The following SNPH variants were observed in gnomAD, a reference collection of about 807,000 sequenced individuals.
The protein encoded by SNPH is syntaphilin.
Under a neutral mutation model 36.8 loss-of-function variants are expected in SNPH, and 10 were observed. The ratio of observed to expected loss-of-function variants is 0.27; its 90% CI spans 0.17 to 0.46. The LOEUF is 0.46. SNPH is among the 20% of genes least tolerant of loss of function. SNPH has a pLI of 1.00. For synonymous variants in SNPH, 281 were observed against 312.2 expected (o/e 0.90, Z 1.05); for missense variants, 622 against 744.0 (o/e 0.84, Z 1.91).
In SNPH at chr20:1,305,754, C is replaced by G. The variant is rs2088567084; in HGVS notation, c.1317C>G (p.Gly439=). Residue 439 remains glycine, a synonymous_variant, in exon 7 of 7, where the codon GGC becomes GGG. Coordinates refer to ENST00000381867, the MANE Select transcript of SNPH (RefSeq NM_001318234.2). ...GGCCTGGTGCCAACCCCAACCCTGG[C>G]CAGTCGGTGAGCGTGGTGTGCCCCA... ...PQRPGANPNP[G]QSVSVVCPME... 2 of 1,611,290 alleles carry G rather than the reference C, an allele frequency of 1.2e-6. No homozygotes were observed. The highest frequency in any genetic ancestry group is 2.7e-5 in the African/African-American group (2 of 74,922).
chr20:1,296,089 T>A lies in SNPH; in HGVS notation c.-151T>A, dbSNP rs1442209691. The A allele has an allele frequency of 1.6e-6, 1 of 608,916 alleles. No homozygotes were observed. The highest frequency in any genetic ancestry group is 2.7e-6 in the Non-Finnish European group (1 of 365,646). 37.7% of individuals were successfully genotyped at this position (608,916 alleles called of 1,614,324 possible). A position where few individuals can be genotyped will look rare whatever the true frequency, so the allele number is the denominator to read the frequency against. On this transcript the variant is annotated 5_prime_UTR_variant, in exon 4 of 7. Transcript: ENST00000381867. Reference sequence around the variant, plus strand: ...TCATCTGGAGAACACAGGGTTGGACTGATTACTTTTAGCCACTCCTGACAG... The same window carrying A: ...TCATCTGGAGAACACAGGGTTGGACAGATTACTTTTAGCCACTCCTGACAG...
chr20:1,296,308 C>T lies in SNPH; in HGVS notation c.69C>T (p.Thr23=). The T allele has an allele frequency of 6.3e-7, 1 of 1,586,570 alleles. No homozygotes were observed. Among genetic ancestry groups the T allele is most frequent in the Non-Finnish European group, 8.6e-7 (1 of 1,168,196 alleles). Residue 23 remains threonine, a synonymous_variant, in exon 4 of 7, where the codon ACC becomes ACT. Transcript: ENST00000381867. ...CGGCCCTTTCTGCGGGCCCCCCAAC[C>T]CGCCCTCTCTCCTCAGCCCCCGGGA... ...PGPALSAGPP[T]RPLSSAPGIP...
At chr20:1,274,145 G>T (rs1329580785) in intron 2 of SNPH, among the ~76,000 whole-genome samples, 1 of 152,208 alleles carries the variant, frequency 6.6e-6, no homozygotes, top group Non-Finnish European at 1.5e-5. Flanking sequence ...ATAAGCACAA[G>T]TGGTGGGGTG....
chr20:1,268,764 G>A (rs539158569), intron 2 of SNPH, among the ~76,000 whole-genome samples: 31 of 152,314 alleles, frequency 2.0e-4, no homozygotes, highest in Non-Finnish European at 3.8e-4. Flanking sequence ...AGCCAACTAG[G>A]TTAGGGAGAA....
At chr20:1,303,155 G>C (rs2088524210) in intron 6 of SNPH, among the ~76,000 whole-genome samples, 1 of 152,242 alleles carries the variant, frequency 6.6e-6, no homozygotes, top group Non-Finnish European at 1.5e-5. Context: ...TTTCATGCCT[G>C]TGCTTCCTGC....
intron 2 of SNPH, among the ~76,000 whole-genome samples, chr20:1,281,424 C>T (rs147264157): frequency 1.7e-3 from 262 of 152,362 alleles, no homozygotes; most frequent in African/African-American, 6.0e-3. Flanking sequence ...GTAAACCTGA[C>T]TTTGACCTTA....
At chr20:1,286,356 G>A (rs1008777260) in intron 2 of SNPH, among the ~76,000 whole-genome samples, 1 of 152,146 alleles carries the variant, frequency 6.6e-6, no homozygotes, top group African/African-American at 2.4e-5. Flanking sequence ...GAAGTACCAC[G>A]GGGAATCAGG....
chr20:1,284,985 T>C (rs1358834065), intron 2 of SNPH, among the ~76,000 whole-genome samples: 1 of 152,268 alleles, frequency 6.6e-6, no homozygotes, highest in Non-Finnish European at 1.5e-5. Flanking sequence ...AGAGAGATGG[T>C]GGCTTGGACC....
chr20:1,300,957 G>A (rs568616858), intron 6 of SNPH, among the ~76,000 whole-genome samples: 1 of 152,362 alleles, frequency 6.6e-6, no homozygotes, highest in Admixed American at 6.5e-5. Context: ...ATGAGGGCCT[G>A]TCCTGTGGGG....
At chr20:1,270,179 A>G (rs762975428) in intron 2 of SNPH, among the ~76,000 whole-genome samples, 87 of 152,238 alleles carry the variant, frequency 5.7e-4, no homozygotes, top group Non-Finnish European at 8.8e-4. Context: ...CTTGCTAAAC[A>G]TTGACCAGCA....
rs954842191 is a variant in SNPH at position 1,294,771 on chromosome 20, G to A, written c.-492-180G>A. Among the ~76,000 whole-genome samples, 1 of 152,212 alleles carries A rather than the reference G, an allele frequency of 6.6e-6. No individual in the cohort carries two copies. Among genetic ancestry groups the A allele is most frequent in the African/African-American group, 2.4e-5 (1 of 41,452 alleles). On this transcript the variant is annotated intron_variant, in intron 2 of 6. Transcript: ENST00000381867. The surrounding 1 kb of genome is among the most constrained non-coding windows in gnomAD (Gnocchi z 4.4). ...CCGGGGAGGCCCTGACATGGGAAGG[G>A]GGTGGTCCCCGGGCCAGAGACTCTG...
intron 6 of SNPH, among the ~76,000 whole-genome samples, chr20:1,303,582 G>A (rs766541869): frequency 1.1e-4 from 17 of 152,170 alleles, no homozygotes; most frequent in Non-Finnish European, 2.5e-4. Context: ...GGCACTCTAA[G>A]CAGCTCCAGC....
At chr20:1,274,953 G>A (rs1282474211) in intron 2 of SNPH, among the ~76,000 whole-genome samples, 1 of 152,196 alleles carries the variant, frequency 6.6e-6, no homozygotes, top group Non-Finnish European at 1.5e-5. Flanking sequence ...CCTTTCAGAA[G>A]TGGCGGACTT....
chr20:1,280,193 C>T (rs1241662959), intron 2 of SNPH, among the ~76,000 whole-genome samples: 3 of 152,196 alleles, frequency 2.0e-5, no homozygotes, highest in Non-Finnish European at 4.4e-5. Flanking sequence ...CTCAGCTCAT[C>T]AGCATCACAC....
At chr20:1,269,079 G>A (rs1158422745) in intron 2 of SNPH, among the ~76,000 whole-genome samples, 1 of 152,062 alleles carries the variant, frequency 6.6e-6, no homozygotes, top group Non-Finnish European at 1.5e-5. Flanking sequence ...TGAGGGAGGA[G>A]AGCAGGTAAT....
chr20:1,300,793 G>A (rs908238460), intron 6 of SNPH, 82 bp downstream of exon 6: 2 of 1,392,158 alleles, frequency 1.4e-6, no homozygotes, highest in Non-Finnish European at 1.9e-6. Context: ...GGTGCCTCTT[G>A]GAGGGAGGAG....
At chr20:1,271,997 C>G (rs550776787) in intron 2 of SNPH, among the ~76,000 whole-genome samples, 1 of 152,240 alleles carries the variant, frequency 6.6e-6, no homozygotes, top group South Asian at 2.1e-4. Context: ...TCAGATGACA[C>G]TTAGGGTCCT....
At position 1,306,216 on chromosome 20, in the gene SNPH, G is replaced by C. The variant is rs994415935; in HGVS notation, c.*162G>C. The C allele has an allele frequency of 8.0e-6, 5 of 625,374 alleles. No homozygotes were observed. Among genetic ancestry groups the C allele is most frequent in the Non-Finnish European group, 7.2e-6 (3 of 417,036 alleles). 38.7% of individuals were successfully genotyped at this position (625,374 alleles called of 1,614,324 possible). A position where few individuals can be genotyped will look rare whatever the true frequency, so the allele number is the denominator to read the frequency against. On this transcript the variant is annotated 3_prime_UTR_variant, in exon 7 of 7. Transcript: ENST00000381867. ...AAAACAGTCCCGTGGAAGGAGCAGG[G>C]GTTGGAGAAAGGCATCCCAAAGCTT... is the stretch of plus-strand genomic sequence containing the variant.
intron 2 of SNPH, among the ~76,000 whole-genome samples, chr20:1,292,320 C>A (rs1431553371): frequency 6.6e-6 from 1 of 152,172 alleles, no homozygotes; most frequent in African/African-American, 2.4e-5. Flanking sequence ...TGTAGAGATG[C>A]AGATTTGGGA....
Sources: allele counts gnomAD v4.1 joint callset (sites outside exome capture counted in the v4.1 genomes callset), GRCh38; gene constraint gnomAD v4.1.1; non-coding constraint Gnocchi (gnomAD v3.1); transcripts MANE v1.5; gene names NCBI Gene and HGNC (gene_info 2026-07-23, HGNC 2026-07-21).